Variants in LCOR observed in about 807,000 individuals in gnomAD.
The protein encoded by LCOR is ligand-dependent corepressor.
In LCOR, 14 loss-of-function variants were observed where a neutral mutation model predicts 64.4. The ratio of observed to expected loss-of-function variants is 0.22; its 90% confidence interval spans 0.14 to 0.34. LCOR has a LOEUF of 0.34. LCOR is among the 10% of genes least tolerant of loss of function. The probability of loss-of-function intolerance (pLI) is 1.00; values close to 1 mark genes in which losing one functional copy is unlikely to be tolerated. For missense variants in LCOR, 1,686 were observed against 1,765.3 expected (o/e 0.96, Z 0.80); for synonymous variants, 643 against 642.5 (o/e 1.00, Z -0.01).
chr10:96,942,443 G>A (rs1327696254), intron 4 of LCOR, among the ~76,000 whole-genome samples: 2 of 131,794 alleles, frequency 1.5e-5, no homozygotes, highest in African/African-American at 3.2e-5. Context: ...GAAGGAGACC[G>A]TGGAGAGAGG....
chr10:96,841,115 G>C (rs1234814282), intron 2 of LCOR, among the ~76,000 whole-genome samples: 1 of 152,186 alleles, frequency 6.6e-6, no homozygotes, highest in Non-Finnish European at 1.5e-5. Context: ...CTGTACTCTA[G>C]CCTGAGGGAC....
intron 4 of LCOR, among the ~76,000 whole-genome samples, chr10:96,918,692 C>G (rs1846997148): frequency 6.6e-6 from 1 of 152,148 alleles, no homozygotes; most frequent in Non-Finnish European, 1.5e-5. Flanking sequence ...TAGGAGATTC[C>G]TACTGGAATT....
Position 96,832,316 on chromosome 10 carries a change from G to A in LCOR, c.-487G>A, listed in dbSNP as rs2134350893. 12 of 983,784 alleles carry A rather than the reference G, an allele frequency of 1.2e-5. No individual in the cohort carries two copies. In the South Asian group the frequency reaches 4.2e-4, roughly 35 times the overall value. The allele number at this position is 983,784 out of a possible 1,614,324, so 60.9% of individuals were successfully genotyped here. ...GGGCGGCAGAAGATGGCGAGGGTGT[G>A]TAGGCGGCAGCAATGCTCCGTTGAG... is the stretch of plus-strand genomic sequence containing the variant. On this transcript the variant is annotated 5_prime_UTR_variant, in exon 1 of 8. Transcript: ENST00000421806.
At chr10:96,837,193 T>C (rs1393892399) in intron 2 of LCOR, among the ~76,000 whole-genome samples, 1 of 152,120 alleles carries the variant, frequency 6.6e-6, no homozygotes, top group African/African-American at 2.4e-5. Context: ...GGTTTCACCG[T>C]GTTAGCCAGG....
intron 2 of LCOR, among the ~76,000 whole-genome samples, chr10:96,902,803 G>C (rs893403906): frequency 6.6e-5 from 10 of 152,232 alleles, no homozygotes; most frequent in African/African-American, 2.4e-4. Flanking sequence ...CCTTTGAACT[G>C]ATACTTTGTA....
At position 96,980,371 on chromosome 10, in the gene LCOR, TTTC is replaced by T. The variant is rs536376981; in HGVS notation, c.333-417_333-415del. Among the ~76,000 whole-genome samples the T allele has an allele frequency of 5.3e-5, 8 of 152,360 alleles. No homozygotes were observed. In the South Asian group the frequency reaches 1.0e-3, roughly 20 times the overall value. On this transcript the variant is annotated intron_variant, in intron 7 of 7. Transcript: ENST00000421806. ...TTTTGAAAAAAATGTATTTGCAGTATTTCTTCTCTTTAAGATAAAAATGATTTT... is the reference window on the plus strand; with the variant it reads ...TTTTGAAAAAAATGTATTTGCAGTATTTCTCTTTAAGATAAAAATGATTTT...
chr10:96,918,859 A>G (rs1846999922), intron 4 of LCOR, among the ~76,000 whole-genome samples: 1 of 152,214 alleles, frequency 6.6e-6, no homozygotes, highest in African/African-American at 2.4e-5. Flanking sequence ...GTTTAACACA[A>G]TAGTAAGGTG....
chr10:96,919,229 T>C (rs1847006654), intron 4 of LCOR, among the ~76,000 whole-genome samples: 1 of 152,172 alleles, frequency 6.6e-6, no homozygotes, highest in East Asian at 1.9e-4. Flanking sequence ...ATATAAAAAT[T>C]AGGGTTAGAG....
Position 96,981,111 on chromosome 10 carries a change from C to T in LCOR, c.651C>T (p.His217=). The change falls in exon 8 of 8, where the codon CAC becomes CAT. Residue 217 remains histidine (H), a synonymous_variant. Transcript: ENST00000421806. The part of the protein sequence containing the change: ...VDSSDSHSPL[H]LTEQTPKKPP... The stretch of plus-strand genomic sequence containing the variant: ...CGTCAGACTCTCACAGCCCTCTACA[C>T]TTGACGGAACAGACCCCGAAGAAGC... The T allele has an allele frequency of 1.4e-6, 1 of 703,404 alleles. No individual in the cohort carries two copies. 43.6% of individuals were successfully genotyped at this position (703,404 alleles called of 1,614,324 possible). A position where few individuals can be genotyped will look rare whatever the true frequency, so the allele number is the denominator to read the frequency against.
chr10:96,878,053 C>T (rs1341516077), intron 2 of LCOR, among the ~76,000 whole-genome samples: 2 of 152,108 alleles, frequency 1.3e-5, no homozygotes, highest in East Asian at 3.8e-4. Flanking sequence ...TATTTTGCAT[C>T]CATGTACAGT....
intron 5 of LCOR, among the ~76,000 whole-genome samples, chr10:96,944,550 CAGTT>C (rs1847553869): frequency 6.7e-6 from 1 of 149,886 alleles, no homozygotes; most frequent in Admixed American, 6.6e-5. Context: ...CTTATGGAGA[CAGTT>C]ACTGTTTTAA....
At chr10:96,905,719 G>C (rs1001471373) in intron 2 of LCOR, among the ~76,000 whole-genome samples, 10 of 152,016 alleles carry the variant, frequency 6.6e-5, no homozygotes, top group Admixed American at 5.9e-4. Flanking sequence ...CCATTTGTTT[G>C]AGTGGGTAGT....
intron 4 of LCOR, among the ~76,000 whole-genome samples, chr10:96,936,581 A>G (rs1279754933): frequency 1.3e-5 from 2 of 152,256 alleles, no homozygotes; most frequent in Non-Finnish European, 1.5e-5. Flanking sequence ...CAGTGAACAC[A>G]ATGTGTATGC....
chr10:96,962,219 T>C (rs1847893039), intron 7 of LCOR: 1 of 152,142 alleles, frequency 6.6e-6, no homozygotes, highest in Non-Finnish European at 1.5e-5. Context: ...CATTTCAAGC[T>C]TAAGAATTTG....
intron 2 of LCOR, among the ~76,000 whole-genome samples, chr10:96,900,129 C>A (rs1846608215): frequency 1.3e-5 from 2 of 152,088 alleles, no homozygotes. Flanking sequence ...TTTCTTCTAT[C>A]TATAGATTTG....
At chr10:96,974,545 A>G (rs1015388264) in intron 7 of LCOR, among the ~76,000 whole-genome samples, 4 of 152,222 alleles carry the variant, frequency 2.6e-5, no homozygotes, top group African/African-American at 9.7e-5. Context: ...ACAGACTATA[A>G]TCTGCACCGA....
chr10:96,874,694 A>G (rs374527686), intron 2 of LCOR, among the ~76,000 whole-genome samples: 3 of 151,620 alleles, frequency 2.0e-5, no homozygotes, highest in South Asian at 2.1e-4. Flanking sequence ...CTGGAGTGCA[A>G]TGGTGCGATC....
At chr10:96,840,925 C>T (rs547815310) in intron 2 of LCOR, among the ~76,000 whole-genome samples, 5 of 152,300 alleles carry the variant, frequency 3.3e-5, no homozygotes, top group Admixed American at 3.3e-4. Context: ...GTCGCTTGAG[C>T]CCAGGAGTTG....
At chr10:96,883,322 T>C (rs528593407) in intron 2 of LCOR, among the ~76,000 whole-genome samples, 1 of 152,322 alleles carries the variant, frequency 6.6e-6, no homozygotes, top group African/African-American at 2.4e-5. Flanking sequence ...CATGAGCCAC[T>C]GCCCCAGCCT....
Sources: allele counts gnomAD v4.1 joint callset (sites outside exome capture counted in the v4.1 genomes callset), GRCh38; gene constraint gnomAD v4.1.1; transcripts MANE v1.5; gene names NCBI Gene and HGNC (gene_info 2026-07-23, HGNC 2026-07-21).